The following BHMT2 variants were observed in gnomAD, a reference collection of about 807,000 sequenced individuals.
The protein encoded by BHMT2 is S-methylmethionine--homocysteine S-methyltransferase BHMT2.
A neutral mutation model predicts 39.0 loss-of-function variants in BHMT2; 28 were observed. The observed-to-expected ratio is 0.72, with a 90% confidence interval of 0.53 to 0.98. The LOEUF (loss-of-function observed/expected upper bound fraction) is 0.98. Among genes scored for constraint, BHMT2 ranks in the 50% least tolerant of loss-of-function variants. The pLI is 0.00. For synonymous variants in BHMT2, 145 were observed against 160.6 expected (o/e 0.90, Z 0.74); for missense variants, 410 against 455.6 (o/e 0.90, Z 0.91).
chr5:79,081,807 C>T (rs1755792797), intron 4 of BHMT2, among the ~76,000 whole-genome samples: 1 of 152,020 alleles, frequency 6.6e-6, no homozygotes, highest in South Asian at 2.1e-4. Flanking sequence ...TTGCAGTGAG[C>T]CAAGATAGGG....
At chr5:79,074,906 C>A (rs941942450) in intron 1 of BHMT2, among the ~76,000 whole-genome samples, 11 of 152,246 alleles carry the variant, frequency 7.2e-5, no homozygotes, top group Admixed American at 7.2e-4. Flanking sequence ...AGCTTTGCCA[C>A]ACTGTTTCCT....
At chr5:79,075,003 C>T (rs1043058571) in intron 1 of BHMT2, among the ~76,000 whole-genome samples, 8 of 152,114 alleles carry the variant, frequency 5.3e-5, no homozygotes, top group Non-Finnish European at 1.2e-4. Context: ...GGTTGGCAAA[C>T]GCTTTCTGTA....
intron 2 of BHMT2, among the ~76,000 whole-genome samples, chr5:79,078,608 C>T (rs948634559): frequency 6.6e-6 from 1 of 152,214 alleles, no homozygotes; most frequent in African/African-American, 2.4e-5. Flanking sequence ...ACAACATGGG[C>T]TAGGTGTGAG....
chr5:79,080,936 T>C, intron 4 of BHMT2, 58 bp downstream of exon 4: 1 of 1,435,486 alleles, frequency 7.0e-7, no homozygotes, highest in Non-Finnish European at 9.3e-7. Context: ...AACTGCAGAG[T>C]CTTCACATTT....
chr5:79,088,126 G>T (rs1213130121), intron 7 of BHMT2, among the ~76,000 whole-genome samples: 1 of 152,172 alleles, frequency 6.6e-6, no homozygotes, highest in African/African-American at 2.4e-5. Flanking sequence ...GCTGCAGTGA[G>T]CCAAGATTGT....
At chr5:79,074,832 C>T (rs547926701) in intron 1 of BHMT2, among the ~76,000 whole-genome samples, 5 of 152,302 alleles carry the variant, frequency 3.3e-5, no homozygotes, top group South Asian at 2.1e-4. Context: ...TAAACTCTCA[C>T]GCAGGAAATG....
rs758118459 is a variant in BHMT2 at position 79,077,480 on chromosome 5, G to A, written c.34G>A (p.Gly12Arg). ...TAGGTGCTTTTTTTCTCTTCTTCAG[G>A]GGATTTTGGAGCGCCTGGAGAGTGG... ...APAGRPGAKKGILERLESGEV... is the reference protein window; with the variant it reads ...APAGRPGAKKRILERLESGEV... Residue 12 changes from glycine (G) to arginine (R), a missense_variant and splice_region_variant, in exon 2 of 8, where the codon GGG (glycine) becomes AGG (arginine). Coordinates refer to ENST00000255192, the MANE Select transcript of BHMT2 (RefSeq NM_017614.5). 6.8e-6 allele frequency: 11 copies of A among 1,611,282 alleles called. No individual in the cohort carries two copies. The highest frequency in any genetic ancestry group is 6.7e-5 in the Admixed American group (4 of 59,568).
In BHMT2 at chr5:79,090,069, A is replaced by G. The variant is rs1270341741; in HGVS notation, c.*1495A>G. Among the ~76,000 whole-genome samples, 1 of 152,220 alleles carries G rather than the reference A, an allele frequency of 6.6e-6. No individual in the cohort carries two copies. The highest frequency in any genetic ancestry group is 1.5e-5 in the Non-Finnish European group (1 of 68,044). On this transcript the variant is annotated 3_prime_UTR_variant, in exon 8 of 8. Transcript: ENST00000255192. ...TGGCAATAAAAATGATTTACCTTTT[A>G]TAGTGTTTGAATGTCGAAAATGTCA...
intron 3 of BHMT2, 50 bp from the exon 4 acceptor site, chr5:79,080,637 A>T: frequency 3.3e-6 from 5 of 1,495,284 alleles, no homozygotes; most frequent in Non-Finnish European, 4.5e-6. Flanking sequence ...TTTATATTTT[A>T]CCTTCAAACT....
At chr5:79,083,088 T>C (rs899065874) in intron 5 of BHMT2, 104 bp from the exon 6 acceptor site, 2 of 1,571,336 alleles carry the variant, frequency 1.3e-6, no homozygotes, top group Non-Finnish European at 1.7e-6. Context: ...CTGTAAATTG[T>C]GGGAGGTGGA....
At chr5:79,074,095 T>G (rs979134927) in intron 1 of BHMT2, among the ~76,000 whole-genome samples, 2 of 152,186 alleles carry the variant, frequency 1.3e-5, no homozygotes, top group Non-Finnish European at 2.9e-5. Flanking sequence ...AATAGTGGCT[T>G]CTCTTAGTTG....
chr5:79,073,766 T>C (rs1755623656), intron 1 of BHMT2, among the ~76,000 whole-genome samples: 1 of 152,200 alleles, frequency 6.6e-6, no homozygotes, highest in Non-Finnish European at 1.5e-5. Flanking sequence ...TGGGCTCCAT[T>C]TGCCTGCCCT....
At chr5:79,073,040 T>C (rs1283373214) in intron 1 of BHMT2, among the ~76,000 whole-genome samples, 2 of 148,986 alleles carry the variant, frequency 1.3e-5, no homozygotes, top group Non-Finnish European at 3.0e-5. Flanking sequence ...CTCAACTCAC[T>C]GTAACTTCCA....
chr5:79,084,288 T>C (rs558082475), intron 7 of BHMT2, among the ~76,000 whole-genome samples: 56 of 152,218 alleles, frequency 3.7e-4, no homozygotes, highest in African/African-American at 1.3e-3. Context: ...TTTGTTTGTT[T>C]GTTTCTGAGA....
intron 2 of BHMT2, among the ~76,000 whole-genome samples, chr5:79,078,503 G>A (rs1433498875): frequency 6.6e-6 from 1 of 152,190 alleles, no homozygotes; most frequent in Non-Finnish European, 1.5e-5. Flanking sequence ...TAAACCTAGG[G>A]TCCTGTCTTG....
At position 79,080,878 on chromosome 5, in the gene BHMT2, G is replaced by C. The variant is rs749336349; in HGVS notation, c.450G>C (p.Glu150Asp). 1 of 1,583,692 alleles carries C rather than the reference G, an allele frequency of 6.3e-7. No homozygotes were observed. The highest frequency in any genetic ancestry group is 8.6e-7 in the Non-Finnish European group (1 of 1,169,018). ...AWKNVDFLIA[E>D]YFEHVEEAVW... ...AAAATGTGGACTTCTTGATTGCAGAGGTGAGGCTAGTATTGGAGGAAAAGG... is the reference window on the plus strand; with the variant it reads ...AAAATGTGGACTTCTTGATTGCAGACGTGAGGCTAGTATTGGAGGAAAAGG... Residue 150 changes from glutamate to aspartate, a missense_variant and splice_region_variant, in exon 4 of 8, where the codon GAG becomes GAC. Glu to Asp is a conservative substitution (Grantham distance 45). Transcript: ENST00000255192.
chr5:79,069,904 G>T lies in BHMT2; in HGVS notation c.33+89G>T, dbSNP rs1435562489. On this transcript the variant is annotated intron_variant, in intron 1 of 7. Transcript: ENST00000255192. ...ACACCCGGCGTCCATCCCTAGCCAA[G>T]CCCTGGGGCCTCGGCAAAACACTTG... The T allele has an allele frequency of 6.4e-6, 8 of 1,257,708 alleles. No homozygotes were observed. The South Asian group carries it at 1.6e-4, about 25-fold the overall frequency. 77.9% of individuals were successfully genotyped at this position (1,257,708 alleles called of 1,614,324 possible). A position where few individuals can be genotyped will look rare whatever the true frequency, so the allele number is the denominator to read the frequency against.
At chr5:79,079,200 A>G (rs972559183) in intron 2 of BHMT2, among the ~76,000 whole-genome samples, 169 bp from the exon 3 acceptor site, 1 of 152,230 alleles carries the variant, frequency 6.6e-6, no homozygotes, top group African/African-American at 2.4e-5. Flanking sequence ...CATCCTGCCT[A>G]TGAATTCTAC....
chr5:79,080,197 G>A (rs1057185788), intron 3 of BHMT2, among the ~76,000 whole-genome samples: 2 of 152,228 alleles, frequency 1.3e-5, no homozygotes, highest in African/African-American at 2.4e-5. Flanking sequence ...CCTGCATTGA[G>A]CATTGGTTTT....
Sources: gnomAD v4.1 joint callset for allele counts (sites outside exome capture counted in the v4.1 genomes callset) on GRCh38, gnomAD v4.1.1 for gene constraint, MANE v1.5 for transcripts, NCBI Gene and HGNC (gene_info 2026-07-23, HGNC 2026-07-21) for gene names.